MACROD2: variants seen among roughly 807,000 people sequenced by gnomAD.
The protein encoded by MACROD2 is ADP-ribose glycohydrolase MACROD2.
A neutral mutation model predicts 70.4 loss-of-function variants in MACROD2; 36 were observed. The observed-to-expected ratio is 0.51, with a 90% CI of 0.39 to 0.68. MACROD2 has a LOEUF of 0.68. Ranked by LOEUF, MACROD2 falls within the 30% of genes least tolerant of loss-of-function variation. The pLI is 0.00. For missense variants in MACROD2, 496 were observed against 538.4 expected (o/e 0.92, Z 0.78); for synonymous variants, 172 against 178.8 (o/e 0.96, Z 0.30).
chr20:15,347,080 ACT>A (rs1471352894), intron 6 of MACROD2, among the ~76,000 whole-genome samples: 2 of 152,034 alleles, frequency 1.3e-5, no homozygotes, highest in Non-Finnish European at 2.9e-5. Context: ...ATGCCAGGTG[ACT>A]CTGTACTGAG....
chr20:14,910,331 G>T (rs1214056554), intron 5 of MACROD2, among the ~76,000 whole-genome samples: 1 of 152,186 alleles, frequency 6.6e-6, no homozygotes, highest in Admixed American at 6.5e-5. Context: ...TTGGGGAGCA[G>T]AATTACAGTG....
At chr20:14,532,922 A>C (rs2085323937) in intron 4 of MACROD2, among the ~76,000 whole-genome samples, 1 of 152,118 alleles carries the variant, frequency 6.6e-6, no homozygotes, top group African/African-American at 2.4e-5. Context: ...TCAGCCTTGT[A>C]TGAAGGGCCA....
At chr20:15,621,367 T>G in intron 8 of MACROD2, among the ~76,000 whole-genome samples, 1 of 152,190 alleles carries the variant, frequency 6.6e-6, no homozygotes, top group Non-Finnish European at 1.5e-5. Flanking sequence ...GCTTGACTGG[T>G]CTCAAGGCTT....
chr20:14,907,058 G>C (rs1370714600), intron 5 of MACROD2, among the ~76,000 whole-genome samples: 1 of 152,172 alleles, frequency 6.6e-6, no homozygotes, highest in Non-Finnish European at 1.5e-5. Context: ...AACAGGACCA[G>C]AGTGGAAGAG....
intron 2 of MACROD2, among the ~76,000 whole-genome samples, chr20:14,067,760 T>G (rs115219721): frequency 6.6e-6 from 1 of 152,182 alleles, no homozygotes; most frequent in Non-Finnish European, 1.5e-5. Context: ...GAGTGAAGTG[T>G]GTCCTTATTT....
intron 8 of MACROD2, among the ~76,000 whole-genome samples, chr20:15,719,957 C>G (rs1600804540): frequency 6.6e-6 from 1 of 152,024 alleles, no homozygotes; most frequent in South Asian, 2.1e-4. Flanking sequence ...TCCCAATGTC[C>G]CCTACCCTCC....
At chr20:14,076,253 A>G (rs1477200954) in intron 2 of MACROD2, among the ~76,000 whole-genome samples, 1 of 152,200 alleles carries the variant, frequency 6.6e-6, no homozygotes, top group Non-Finnish European at 1.5e-5. Context: ...ATAAAATCTC[A>G]TAAGGAAGCA....
intron 4 of MACROD2, among the ~76,000 whole-genome samples, chr20:14,671,412 G>A (rs971475140): frequency 6.6e-6 from 1 of 152,048 alleles, no homozygotes; most frequent in Admixed American, 6.6e-5. Flanking sequence ...AGGGTCTACT[G>A]TAAACATTTA....
Position 14,244,819 on chromosome 20 carries a change from C to G in MACROD2, c.271+159091C>G, listed in dbSNP as rs114990572. Among the ~76,000 whole-genome samples the G allele has an allele frequency of 3.0e-3, 459 of 152,270 alleles. 2 individuals carry two copies. The highest frequency in any genetic ancestry group is 0.01 in the African/African-American group (432 of 41,548). On this transcript the variant is annotated intron_variant, in intron 3 of 17. Coordinates refer to ENST00000684519, the MANE Select transcript of MACROD2 (RefSeq NM_001351661.2). ...TGGCTCTTTGTGGGTCCTCAGTAAA[C>G]ATGAAATAACCCTGACCTTTTAGGA...
intron 12 of MACROD2, among the ~76,000 whole-genome samples, chr20:15,943,249 T>A (rs2065774958): frequency 6.6e-6 from 1 of 152,192 alleles, no homozygotes; most frequent in African/African-American, 2.4e-5. Context: ...TGGTGTGGAC[T>A]CAAAATTGCT....
In MACROD2 at chr20:15,000,558, G is replaced by A. The variant is rs895295054; in HGVS notation, c.419-229382G>A. On this transcript the variant is annotated intron_variant, in intron 5 of 17. Coordinates refer to ENST00000684519, the MANE Select transcript of MACROD2 (RefSeq NM_001351661.2). ...GAATGGCGTGAACCCGGGAAGCGGA[G>A]CTTGCAGTGAGCCGAGATTGCGCCA... Among the ~76,000 whole-genome samples the A allele has an allele frequency of 8.1e-5, 10 of 123,146 alleles. 1 individual carries two copies. The highest frequency in any genetic ancestry group is 1.2e-4 in the African/African-American group (3 of 26,076). The allele number at this position is 123,146 out of a possible 152,430, so 80.8% of individuals were successfully genotyped here.
At chr20:14,872,456 A>G (rs2031710366) in intron 5 of MACROD2, among the ~76,000 whole-genome samples, 1 of 152,050 alleles carries the variant, frequency 6.6e-6, no homozygotes, top group African/African-American at 2.4e-5. Flanking sequence ...CTCTCACATG[A>G]TGTCTGACAG....
At chr20:14,335,426 G>A (rs1035721000) in intron 3 of MACROD2, among the ~76,000 whole-genome samples, 3 of 152,180 alleles carry the variant, frequency 2.0e-5, no homozygotes, top group Non-Finnish European at 4.4e-5. Context: ...AAAAAGTTTT[G>A]ATAGAATTGT....
intron 5 of MACROD2, among the ~76,000 whole-genome samples, chr20:14,932,516 T>C (rs1453200847): frequency 6.6e-6 from 1 of 152,198 alleles, no homozygotes; most frequent in Admixed American, 6.5e-5. Context: ...ATTTCATGTA[T>C]ACCCAAATTC....
At chr20:15,218,077 AT>A (rs564075618) in intron 5 of MACROD2, among the ~76,000 whole-genome samples, 16 of 152,218 alleles carry the variant, frequency 1.1e-4, no homozygotes, top group African/African-American at 3.9e-4. Flanking sequence ...AAAATGAGTT[AT>A]TTTTTATTGT....
chr20:14,862,616 AATATATATATATAAATATATATATAAAT>A (rs1260363267), intron 5 of MACROD2, among the ~76,000 whole-genome samples: 325 of 19,294 alleles, frequency 0.017, 20 homozygotes, highest in African/African-American at 0.026. Flanking sequence ...AATATATATA[AATATATATATATAAATATATATATAAAT>A]ATATATATAT....
chr20:15,244,676 C>T (rs1366621019), intron 6 of MACROD2, among the ~76,000 whole-genome samples: 1 of 152,178 alleles, frequency 6.6e-6, no homozygotes, highest in African/African-American at 2.4e-5. Flanking sequence ...TAGCTTTTCT[C>T]TGCTAAAAGA....
intron 3 of MACROD2, among the ~76,000 whole-genome samples, chr20:14,262,396 A>G (rs2082108265): frequency 6.6e-6 from 1 of 152,224 alleles, no homozygotes; most frequent in African/African-American, 2.4e-5. Flanking sequence ...AAGATAAGAA[A>G]TTCAAAAGGA....
At chr20:15,517,440 A>T (rs774128229) in intron 8 of MACROD2, among the ~76,000 whole-genome samples, 8 of 152,180 alleles carry the variant, frequency 5.3e-5, no homozygotes, top group East Asian at 3.8e-4. Context: ...TGTACAATTC[A>T]TCGCTACTGG....
Sources: gnomAD v4.1 joint callset for allele counts (sites outside exome capture counted in the v4.1 genomes callset) on GRCh38, gnomAD v4.1.1 for gene constraint, MANE v1.5 for transcripts, NCBI Gene and HGNC (gene_info 2026-07-23, HGNC 2026-07-21) for gene names.